The following CEP112 variants were observed in gnomAD, a reference collection of about 807,000 sequenced individuals.
CEP112 encodes the protein centrosomal protein of 112 kDa.
In CEP112, 127 loss-of-function variants were observed where a neutral mutation model predicts 153.0. The observed-to-expected ratio is 0.83, with a 90% CI of 0.72 to 0.96. The LOEUF (loss-of-function observed/expected upper bound fraction) is 0.96, where lower values mean the gene tolerates loss of function less well. Among genes scored for constraint, CEP112 ranks in the 40% least tolerant of loss-of-function variants. CEP112 has a pLI of 0.00. For missense variants in CEP112, 1,089 were observed against 1,101.2 expected (o/e 0.99, Z 0.16); for synonymous variants, 358 against 374.4 (o/e 0.96, Z 0.51).
At chr17:65,638,972 C>T (rs755384341) in intron 25 of CEP112, among the ~76,000 whole-genome samples, 78 of 152,058 alleles carry the variant, frequency 5.1e-4, no homozygotes, top group Non-Finnish European at 9.1e-4. Context: ...CTGTAGCTCA[C>T]CTACAAACTT....
At chr17:66,110,407 A>G (rs919844336) in intron 6 of CEP112, among the ~76,000 whole-genome samples, 75 of 152,072 alleles carry the variant, frequency 4.9e-4, no homozygotes, top group African/African-American at 1.8e-3. Flanking sequence ...AACCAATTGA[A>G]CCAACTGGAA....
At chr17:65,712,843 C>T (rs767138390) in intron 23 of CEP112, among the ~76,000 whole-genome samples, 29 of 152,038 alleles carry the variant, frequency 1.9e-4, no homozygotes, top group Non-Finnish European at 3.1e-4. Flanking sequence ...AAAGCAAGAA[C>T]CAAGTAAGGC....
chr17:66,130,635 G>A (rs998198097), intron 5 of CEP112, among the ~76,000 whole-genome samples: 1 of 151,976 alleles, frequency 6.6e-6, no homozygotes, highest in African/African-American at 2.4e-5. Flanking sequence ...AATTAGCCGG[G>A]CGTGGTGGTG....
intron 9 of CEP112, among the ~76,000 whole-genome samples, chr17:66,068,556 T>G (rs1030712132): frequency 2.6e-5 from 4 of 152,220 alleles, no homozygotes; most frequent in African/African-American, 7.2e-5. Context: ...GCTTAGAAAA[T>G]GCCAGACAAG....
chr17:66,168,065 A>G (rs35173265), intron 4 of CEP112, among the ~76,000 whole-genome samples: 57,836 of 152,072 alleles, frequency 0.38, 11,749 homozygotes, highest in Non-Finnish European at 0.46. Context: ...GTATGCACAA[A>G]CATTTTAACA....
chr17:65,750,766 G>A, intron 21 of CEP112, 42 bp from the exon 22 acceptor site: 2 of 1,581,406 alleles, frequency 1.3e-6, no homozygotes, highest in Non-Finnish European at 1.7e-6. Context: ...AGTGACCTGT[G>A]AGCTTGGTAT....
At chr17:65,910,324 C>T (rs939646879) in intron 19 of CEP112, among the ~76,000 whole-genome samples, 2 of 152,146 alleles carry the variant, frequency 1.3e-5, no homozygotes, top group Non-Finnish European at 2.9e-5. Flanking sequence ...AATATTATAT[C>T]AGTCCATTTA....
At chr17:66,090,569 G>A (rs2068094770) in intron 8 of CEP112, among the ~76,000 whole-genome samples, 1 of 151,916 alleles carries the variant, frequency 6.6e-6, no homozygotes, top group South Asian at 2.1e-4. Flanking sequence ...AAAAAGAAAG[G>A]ATTCAAAGCA....
chr17:65,930,448 A>G (rs1462602679), intron 18 of CEP112, among the ~76,000 whole-genome samples: 2 of 152,202 alleles, frequency 1.3e-5, no homozygotes, highest in Non-Finnish European at 1.5e-5. Context: ...TGGTTCTTAC[A>G]TTGAAGTTTG....
At chr17:66,082,370 A>G (rs983683813) in intron 8 of CEP112, among the ~76,000 whole-genome samples, 1 of 152,262 alleles carries the variant, frequency 6.6e-6, no homozygotes, top group Non-Finnish European at 1.5e-5. Flanking sequence ...ATGATAGGCT[A>G]AAGTTAAAAT....
chr17:66,167,326 C>T (rs140159405), intron 4 of CEP112, among the ~76,000 whole-genome samples: 5,180 of 152,038 alleles, frequency 0.034, 132 homozygotes, highest in Middle Eastern at 0.061. Context: ...TGGTGGTAGC[C>T]GCAGCTAACA....
intron 23 of CEP112, among the ~76,000 whole-genome samples, chr17:65,695,183 C>A (rs1280170068): frequency 6.6e-6 from 1 of 152,214 alleles, no homozygotes; most frequent in African/African-American, 2.4e-5. Context: ...AGCAGCTCCA[C>A]AAGAACAATG....
At chr17:65,682,852 C>G (rs1421244433) in intron 24 of CEP112, among the ~76,000 whole-genome samples, 1 of 152,208 alleles carries the variant, frequency 6.6e-6, no homozygotes, top group African/African-American at 2.4e-5. Flanking sequence ...CTATAAACAA[C>G]TATAATCACA....
chr17:65,749,472 C>T (rs2051684033), intron 22 of CEP112, among the ~76,000 whole-genome samples: 1 of 151,876 alleles, frequency 6.6e-6, no homozygotes, highest in African/African-American at 2.4e-5. Flanking sequence ...TGCACCACTG[C>T]ACTCCAGCCT....
intron 19 of CEP112, among the ~76,000 whole-genome samples, chr17:65,916,482 A>G (rs1056912853): frequency 6.6e-6 from 1 of 152,080 alleles, no homozygotes; most frequent in African/African-American, 2.4e-5. Flanking sequence ...TATATTTTTA[A>G]TGTACTTAAA....
intron 17 of CEP112, among the ~76,000 whole-genome samples, chr17:65,962,096 G>T (rs1183038094): frequency 6.6e-6 from 1 of 152,170 alleles, no homozygotes; most frequent in Admixed American, 6.5e-5. Context: ...TAGTTGCTAG[G>T]GTCTGAGAGG....
chr17:65,733,729 T>C (rs935431890), intron 23 of CEP112, among the ~76,000 whole-genome samples: 1 of 152,216 alleles, frequency 6.6e-6, no homozygotes, highest in Admixed American at 6.5e-5. Context: ...TTTTATGATT[T>C]ATGAGGGAAC....
chr17:65,731,424 A>G (rs979132912), intron 23 of CEP112, among the ~76,000 whole-genome samples: 8 of 152,332 alleles, frequency 5.3e-5, no homozygotes, highest in Non-Finnish European at 1.0e-4. Flanking sequence ...ACATGCTAAC[A>G]ATCATCTGAG....
intron 20 of CEP112, among the ~76,000 whole-genome samples, chr17:65,897,041 TAACTC>T (rs1256899366): frequency 6.6e-6 from 1 of 152,098 alleles, no homozygotes; most frequent in Non-Finnish European, 1.5e-5. Context: ...CTAATACAAA[TAACTC>T]AGTCCATCAG....
Sources: allele counts gnomAD v4.1 joint callset (sites outside exome capture counted in the v4.1 genomes callset), GRCh38; gene constraint gnomAD v4.1.1; transcripts MANE v1.5; gene names NCBI Gene and HGNC (gene_info 2026-07-23, HGNC 2026-07-21).